The following USP13 variants were observed in gnomAD, a reference collection of about 807,000 sequenced individuals.
USP13 encodes ubiquitin specific peptidase 13, also known as ubiquitin carboxyl-terminal hydrolase 13.
In USP13, 68 loss-of-function variants were observed where a neutral mutation model predicts 107.8. The ratio of observed to expected loss-of-function variants is 0.63; its 90% CI spans 0.52 to 0.77. USP13 has a LOEUF of 0.77. Among genes scored for constraint, USP13 ranks in the 30% least tolerant of loss-of-function variants. USP13 has a pLI of 0.00. For synonymous variants in USP13, 377 were observed against 389.5 expected, an observed-to-expected ratio of 0.97 and a Z score of 0.38; for missense variants, 945 against 1,093.3, an observed-to-expected ratio of 0.86 and a Z score of 1.91.
At chr3:179,717,459 A>T (rs1225267189) in intron 6 of USP13, among the ~76,000 whole-genome samples, 1 of 152,194 alleles carries the variant, frequency 6.6e-6, no homozygotes, top group Non-Finnish European at 1.5e-5. Flanking sequence ...TGATTTTCTC[A>T]ATGTGGCAAG....
chr3:179,772,407 A>G (rs1397677824), intron 19 of USP13, among the ~76,000 whole-genome samples: 1 of 152,226 alleles, frequency 6.6e-6, no homozygotes, highest in Non-Finnish European at 1.5e-5. Context: ...TCCTTCAGCC[A>G]CTTTGGTGTA....
At chr3:179,658,357 C>G (rs1387236526) in intron 1 of USP13, among the ~76,000 whole-genome samples, 1 of 152,194 alleles carries the variant, frequency 6.6e-6, no homozygotes, top group Non-Finnish European at 1.5e-5. Flanking sequence ...CCTCTGAATG[C>G]CTGCATTACG....
At chr3:179,663,100 A>G (rs536609900) in intron 1 of USP13, among the ~76,000 whole-genome samples, 18 of 152,314 alleles carry the variant, frequency 1.2e-4, no homozygotes, top group African/African-American at 4.1e-4. Context: ...AATTCTTTTC[A>G]TCTTGCAAAA....
At position 179,761,179 on chromosome 3, in the gene USP13, CA is replaced by C. The variant is rs1392252659; in HGVS notation, c.2018del (p.Lys673ArgfsTer31). ...EMGFPLEACR[K>X]AVYFTGNMGA... ...TGGGTTTCCCGCTGGAAGCATGTCG[CA>C]AGGCTGTGTACTTCACTGGAAATAT... On this transcript the variant is annotated frameshift_variant, in exon 17 of 21. Coordinates refer to ENST00000263966, the MANE Select transcript of USP13 (RefSeq NM_003940.3). LOFTEE classifies it high-confidence loss of function. 3.7e-6 allele frequency: 6 copies of C among 1,614,184 alleles called. No individual in the cohort carries two copies. Among genetic ancestry groups the C allele is most frequent in the African/African-American group, 1.3e-5 (1 of 75,032 alleles).
In USP13 at chr3:179,730,210, A is replaced by C. The variant is rs1409915396; in HGVS notation, c.1110A>C (p.Arg370Ser). The change falls in exon 9 of 21, where the codon AGA becomes AGC. Residue 370 changes from arginine (R) to serine (S), a missense_variant. Transcript: ENST00000263966. The stretch of plus-strand genomic sequence containing the variant: ...CTAGGTATGTAGGAAACCTTCCCAG[A>C]ATATTTGACTACTCGCCTTTAGATC... ...FQRAYVGNLPRIFDYSPLDPT... is the reference protein window; with the variant it reads ...FQRAYVGNLPSIFDYSPLDPT... The C allele has an allele frequency of 4.3e-6, 7 of 1,613,614 alleles. No homozygotes were observed. Among genetic ancestry groups the C allele is most frequent in the East Asian group, 2.2e-5 (1 of 44,848 alleles).
chr3:179,730,749 G>C, intron 10 of USP13, 40 bp downstream of exon 10: 3 of 1,584,746 alleles, frequency 1.9e-6, no homozygotes, highest in Non-Finnish European at 1.7e-6. Flanking sequence ...ATGTAGGTAG[G>C]GAGGAGCTTT....
intron 5 of USP13, among the ~76,000 whole-genome samples, chr3:179,707,281 T>C (rs6797965): frequency 0.17 from 26,552 of 152,152 alleles, 2,559 homozygotes; most frequent in Non-Finnish European, 0.2. Flanking sequence ...AGCCCTTCCC[T>C]GCCCTGAAGC....
chr3:179,710,067 C>T (rs1376200241), intron 6 of USP13, among the ~76,000 whole-genome samples: 5 of 152,142 alleles, frequency 3.3e-5, no homozygotes, highest in Admixed American at 2.6e-4. Flanking sequence ...AATTTTCCTG[C>T]TTTCAAGTTT....
intron 8 of USP13, among the ~76,000 whole-genome samples, chr3:179,728,842 C>T (rs1207217390): frequency 2.0e-5 from 3 of 152,200 alleles, no homozygotes; most frequent in South Asian, 2.1e-4. Flanking sequence ...ACCAGTCAGG[C>T]GTGGCGGCGC....
intron 4 of USP13, among the ~76,000 whole-genome samples, chr3:179,702,397 C>G (rs2108476044): frequency 6.6e-6 from 1 of 152,282 alleles, no homozygotes; most frequent in East Asian, 1.9e-4. Flanking sequence ...GGCAGTGGGG[C>G]CAGGGTGGGT....
Position 179,679,794 on chromosome 3 carries a change from G to GT in USP13, c.169-2057dup, listed in dbSNP as rs57620088. Among the ~76,000 whole-genome samples, 787 of 97,424 alleles carry GT rather than the reference G, an allele frequency of 8.1e-3. 23 individuals carry two copies. The highest frequency in any genetic ancestry group is 0.014 in the African/African-American group (343 of 24,636). 63.9% of individuals were successfully genotyped at this position (97,424 alleles called of 152,430 possible). ...AACTTGGGTAAGTGACCTATCCTTA[G>GT]TTTTTTTTTTTTTTTTTTTTTTTTT... On this transcript the variant is annotated intron_variant, in intron 1 of 20. Transcript: ENST00000263966.
intron 2 of USP13, among the ~76,000 whole-genome samples, chr3:179,683,995 T>C (rs1161498458): frequency 6.6e-6 from 1 of 152,136 alleles, no homozygotes; most frequent in Non-Finnish European, 1.5e-5. Flanking sequence ...GGAGTCTCTC[T>C]CTGTCACCAG....
chr3:179,763,493 C>T lies in USP13; in HGVS notation c.2093-509C>T, dbSNP rs573031030. Among the ~76,000 whole-genome samples, 12 of 152,292 alleles carry T rather than the reference C, an allele frequency of 7.9e-5. No individual in the cohort carries two copies. The South Asian group carries it at 2.5e-3, about 32-fold the overall frequency. ...TAATGTCCTTTCCCCACTGAATGGT[C>T]TTGTTGAAAATCAGTTAACCACAGG... is the stretch of plus-strand genomic sequence containing the variant. On this transcript the variant is annotated intron_variant, in intron 17 of 20. Transcript: ENST00000263966.
chr3:179,751,891 T>C (rs1295982738), intron 13 of USP13, among the ~76,000 whole-genome samples: 1 of 152,114 alleles, frequency 6.6e-6, no homozygotes, highest in Non-Finnish European at 1.5e-5. Flanking sequence ...CTAATTTTTG[T>C]ATTTTTGTGC....
intron 14 of USP13, among the ~76,000 whole-genome samples, chr3:179,754,322 T>G (rs1354495717): frequency 6.6e-6 from 1 of 152,232 alleles, no homozygotes; most frequent in African/African-American, 2.4e-5. Context: ...CCGATGGTTG[T>G]TACCATATGA....
chr3:179,693,641 C>T (rs562601805), intron 3 of USP13, among the ~76,000 whole-genome samples: 14 of 152,100 alleles, frequency 9.2e-5, no homozygotes, highest in Admixed American at 2.6e-4. Context: ...GTTTATGTAA[C>T]GGTAAATTTA....
In USP13 at chr3:179,663,531, C is replaced by T. The variant is rs190325801; in HGVS notation, c.168+10138C>T. Among the ~76,000 whole-genome samples, 49 of 152,310 alleles carry T rather than the reference C, an allele frequency of 3.2e-4. 1 individual carries two copies. In the East Asian group the frequency reaches 5.4e-3, roughly 17 times the overall value. Reference sequence around the variant, plus strand: ...CTCTCTCCCTTGCACTGCTAAGGCTCGGGCCCTCATCCTTTCTCACCTGGA... The same window carrying T: ...CTCTCTCCCTTGCACTGCTAAGGCTTGGGCCCTCATCCTTTCTCACCTGGA... On this transcript the variant is annotated intron_variant, in intron 1 of 20. Coordinates refer to ENST00000263966, the MANE Select transcript of USP13 (RefSeq NM_003940.3).
chr3:179,700,182 G>T (rs1353732179), intron 3 of USP13, among the ~76,000 whole-genome samples: 1 of 152,012 alleles, frequency 6.6e-6, no homozygotes, highest in Non-Finnish European at 1.5e-5. Flanking sequence ...GCAAAGAGGG[G>T]ACGACCTGAT....
chr3:179,657,803 A>G (rs1369793922), intron 1 of USP13, among the ~76,000 whole-genome samples: 2 of 151,020 alleles, frequency 1.3e-5, no homozygotes, highest in African/African-American at 4.9e-5. Context: ...AAAAGAGTTA[A>G]TCACAAGTTG....
Sources: gnomAD v4.1 joint callset for allele counts (sites outside exome capture counted in the v4.1 genomes callset) on GRCh38, gnomAD v4.1.1 for gene constraint, MANE v1.5 for transcripts, NCBI Gene and HGNC (gene_info 2026-07-23, HGNC 2026-07-21) for gene names.